Variants in KHDRBS3 observed in about 807,000 individuals in gnomAD.
The protein encoded by KHDRBS3 is KH domain-containing, RNA-binding, signal transduction-associated protein 3.
In KHDRBS3, 23 loss-of-function variants were observed where a neutral mutation model predicts 45.6. That is an observed-to-expected ratio of 0.50 (90% CI 0.36 to 0.72). The LOEUF is 0.72. KHDRBS3 is among the 30% of genes least tolerant of loss of function. The probability of loss-of-function intolerance (pLI) is 0.00; values close to 1 mark genes in which losing one functional copy is unlikely to be tolerated. For synonymous variants in KHDRBS3, 162 were observed against 156.5 expected (o/e 1.04, Z -0.26); for missense variants, 352 against 424.8 (o/e 0.83, Z 1.51).
intron 4 of KHDRBS3, among the ~76,000 whole-genome samples, chr8:135,655,460 G>C (rs1025970473): frequency 6.6e-6 from 1 of 152,226 alleles, no homozygotes; most frequent in Non-Finnish European, 1.5e-5. Context: ...TGGGAGAGGA[G>C]GGTGTCAACC....
rs547041808 is a variant in KHDRBS3, at chr8:135,622,589, G to C, written c.890+15552G>C. Among the ~76,000 whole-genome samples the C allele has an allele frequency of 2.0e-5, 3 of 152,268 alleles. No individual in the cohort carries two copies. The South Asian group carries it at 6.2e-4, about 32-fold the overall frequency. Reference sequence around the variant, plus strand: ...GTTTTCCTAAAGAGTAATAGATATGGCTTTGAAATCTAAATATCAAATGTG... The same window carrying C: ...GTTTTCCTAAAGAGTAATAGATATGCCTTTGAAATCTAAATATCAAATGTG... On this transcript the variant is annotated intron_variant, in intron 7 of 8. Coordinates refer to ENST00000355849, the MANE Select transcript of KHDRBS3 (RefSeq NM_006558.3).
chr8:135,554,710 C>CT (rs1303724328), intron 4 of KHDRBS3, among the ~76,000 whole-genome samples: 1 of 152,112 alleles, frequency 6.6e-6, no homozygotes, highest in Non-Finnish European at 1.5e-5. Flanking sequence ...ATGATTTTAA[C>CT]TTTCTTTTTG....
chr8:135,579,621 G>A (rs1828110062), intron 5 of KHDRBS3, among the ~76,000 whole-genome samples: 1 of 152,168 alleles, frequency 6.6e-6, no homozygotes, highest in African/African-American at 2.4e-5. Context: ...ACAGGTGTGA[G>A]CCACCATTCC....
At chr8:135,463,795 A>G (rs1439487783) in intron 1 of KHDRBS3, among the ~76,000 whole-genome samples, 1 of 152,156 alleles carries the variant, frequency 6.6e-6, no homozygotes, top group African/African-American at 2.4e-5. Context: ...CAAAAGCCCC[A>G]TTTGCCTGTT....
intron 7 of KHDRBS3, among the ~76,000 whole-genome samples, chr8:135,635,288 T>A (rs1405496533): frequency 6.6e-6 from 1 of 152,228 alleles, no homozygotes; most frequent in Non-Finnish European, 1.5e-5. Flanking sequence ...ACAACAGATG[T>A]GTCACTGGCA....
At chr8:135,460,070 C>T (rs543112349) in intron 1 of KHDRBS3, among the ~76,000 whole-genome samples, 2 of 152,198 alleles carry the variant, frequency 1.3e-5, no homozygotes, top group Non-Finnish European at 2.9e-5. Context: ...ATTAATTACA[C>T]GCTTATGTAA....
intron 7 of KHDRBS3, among the ~76,000 whole-genome samples, chr8:135,622,521 T>C (rs1379345327): frequency 1.3e-5 from 2 of 152,204 alleles, no homozygotes; most frequent in Non-Finnish European, 2.9e-5. Flanking sequence ...AATCAAAAGG[T>C]ATAATTATTT....
At chr8:135,550,801 G>C (rs1478894808) in intron 4 of KHDRBS3, among the ~76,000 whole-genome samples, 1 of 151,956 alleles carries the variant, frequency 6.6e-6, no homozygotes, top group African/African-American at 2.4e-5. Flanking sequence ...TGAATCTATA[G>C]ATCAGTTTGG....
intron 5 of KHDRBS3, among the ~76,000 whole-genome samples, chr8:135,571,474 G>T (rs978724838): frequency 6.6e-6 from 1 of 152,158 alleles, no homozygotes; most frequent in African/African-American, 2.4e-5. Flanking sequence ...GGAAGTCATT[G>T]TATTTACCTG....
At chr8:135,641,284 A>ACTAACTAACT (rs1831046919) in intron 7 of KHDRBS3, among the ~76,000 whole-genome samples, 1 of 152,202 alleles carries the variant, frequency 6.6e-6, no homozygotes, top group Non-Finnish European at 1.5e-5. Flanking sequence ...TTTGGTCAGA[A>ACTAACTAACT]AGGAGTTGTT....
chr8:135,586,315 TA>T (rs1354237939), intron 6 of KHDRBS3, among the ~76,000 whole-genome samples: 10 of 87,312 alleles, frequency 1.1e-4, no homozygotes, highest in African/African-American at 3.4e-4. Context: ...ACCAGTGCTT[TA>T]AAAAACAAAA....
chr8:135,593,041 T>G (rs7842753), intron 6 of KHDRBS3, among the ~76,000 whole-genome samples: 30,972 of 152,070 alleles, frequency 0.2, 3,715 homozygotes, highest in Middle Eastern at 0.27. Context: ...TCTGCAAAAT[T>G]AAAATAAATT....
chr8:135,554,687 G>T (rs2130820495), intron 4 of KHDRBS3, among the ~76,000 whole-genome samples: 1 of 152,222 alleles, frequency 6.6e-6, no homozygotes, highest in Admixed American at 6.5e-5. Flanking sequence ...TGCTTTGCAA[G>T]TGTTAGCTGA....
intron 2 of KHDRBS3, among the ~76,000 whole-genome samples, chr8:135,531,305 A>G (rs1482108336): frequency 2.0e-5 from 3 of 152,186 alleles, no homozygotes; most frequent in East Asian, 1.9e-4. Context: ...ATTACAGTCA[A>G]TGGAGTAACA....
chr8:135,473,884 G>A (rs1016839725), intron 1 of KHDRBS3, among the ~76,000 whole-genome samples: 1 of 152,178 alleles, frequency 6.6e-6, no homozygotes, highest in Admixed American at 6.5e-5. Context: ...CACTGAGGCC[G>A]GGTCTGATCT....
At chr8:135,638,635 T>C (rs1336797758) in intron 7 of KHDRBS3, among the ~76,000 whole-genome samples, 1 of 152,182 alleles carries the variant, frequency 6.6e-6, no homozygotes, top group Non-Finnish European at 1.5e-5. Context: ...AAACCAGTTA[T>C]AGAGTTGGGA....
intron 6 of KHDRBS3, among the ~76,000 whole-genome samples, chr8:135,591,614 C>A (rs1828747646): frequency 6.6e-6 from 1 of 152,174 alleles, no homozygotes; most frequent in Non-Finnish European, 1.5e-5. Context: ...CCACTGTTTT[C>A]TCTTTGTGAT....
chr8:135,647,121 C>A lies in KHDRBS3; in HGVS notation c.*37C>A. ...GATGTTGTGAAATAGCCAATCTCCA[C>A]CAGTCCTGTATACTGTTCAAAGTAA... On this transcript the variant is annotated 3_prime_UTR_variant, in exon 9 of 9. Coordinates refer to ENST00000355849, the MANE Select transcript of KHDRBS3 (RefSeq NM_006558.3). The A allele has an allele frequency of 9.1e-7, 1 of 1,103,696 alleles. No individual in the cohort carries two copies. 68.4% of individuals were successfully genotyped at this position (1,103,696 alleles called of 1,614,324 possible).
intron 5 of KHDRBS3, among the ~76,000 whole-genome samples, chr8:135,558,474 G>A (rs1019196309): frequency 3.3e-5 from 5 of 152,034 alleles, no homozygotes; most frequent in Non-Finnish European, 1.5e-5. Context: ...ATATCTCTAA[G>A]TTTATTTGGG....
Sources: allele counts gnomAD v4.1 joint callset (sites outside exome capture counted in the v4.1 genomes callset), GRCh38; gene constraint gnomAD v4.1.1; transcripts MANE v1.5; gene names NCBI Gene and HGNC (gene_info 2026-07-23, HGNC 2026-07-21).